NSD3: variants seen among roughly 807,000 people sequenced by gnomAD.
NSD3 encodes histone-lysine N-methyltransferase NSD3.
NSD3 carries 24 observed loss-of-function variants against 160.8 expected under a neutral mutation model. The observed-to-expected ratio is 0.15, with a 90% confidence interval of 0.11 to 0.21. The LOEUF is 0.21. NSD3 is among the 10% of genes least tolerant of loss of function. The pLI, the probability that NSD3 is intolerant of heterozygous loss-of-function variation, is 1.00. For missense variants in NSD3, 1,157 were observed against 1,735.9 expected, an observed-to-expected ratio of 0.67 and a Z score of 5.93; for synonymous variants, 520 against 600.0, an observed-to-expected ratio of 0.87 and a Z score of 1.95.
At chr8:38,345,649 G>C (rs947489383) in intron 2 of NSD3, among the ~76,000 whole-genome samples, 3 of 151,946 alleles carry the variant, frequency 2.0e-5, no homozygotes, top group African/African-American at 7.3e-5. Flanking sequence ...AGTGGCTCAC[G>C]CCTGTAATCC....
rs772334719 is a variant in NSD3, at chr8:38,305,353, C to T, written c.2335G>A (p.Val779Ile). 1.1e-5 allele frequency: 17 copies of T among 1,614,048 alleles called. No individual in the cohort carries two copies. The East Asian group carries it at 3.3e-4, about 32-fold the overall frequency. ...AAGATGGCAGTGGGGAATTTGCGGA[C>T]ACAGGCTTCATGATAAAATTTCCCA... ...ACGKFYHEAC[V>I]RKFPTAIFES... Residue 779 changes from valine to isoleucine, a missense_variant, in exon 13 of 24, where the codon GTC becomes ATC. Val to Ile is a conservative substitution (Grantham distance 29, BLOSUM62 3). Coordinates refer to ENST00000317025, the MANE Select transcript of NSD3 (RefSeq NM_023034.2).
chr8:38,337,460 G>T lies in NSD3; in HGVS notation c.755C>A (p.Pro252Gln). Residue 252 changes from proline to glutamine, a missense_variant, in exon 4 of 24, where the codon CCA (proline) becomes CAA (glutamine). Physicochemically the swap from Pro to Gln is moderately conservative, Grantham distance 76. Coordinates refer to ENST00000317025, the MANE Select transcript of NSD3 (RefSeq NM_023034.2). ...CGTTGTTGGAACAGAAGATAGTATTGGCTGAACCTACAGGAAAGGGTCAAA... is the reference window on the plus strand; with the variant it reads ...CGTTGTTGGAACAGAAGATAGTATTTGCTGAACCTACAGGAAAGGGTCAAA... ...PVLKEEAPVQ[P>Q]ILSSVPTTEV... The T allele has an allele frequency of 1.3e-6, 2 of 1,578,950 alleles. No homozygotes were observed. The highest frequency in any genetic ancestry group is 1.7e-6 in the Non-Finnish European group (2 of 1,166,858).
intron 1 of NSD3, 112 bp from the exon 2 acceptor site, chr8:38,348,327 A>G (rs1810584684): frequency 1.4e-6 from 1 of 712,740 alleles, no homozygotes; most frequent in African/African-American, 1.8e-5. Flanking sequence ...TCATATCCAG[A>G]TATGCATAGA....
At chr8:38,315,393 C>G in intron 11 of NSD3, 23 bp downstream of exon 11, 1 of 1,535,800 alleles carries the variant, frequency 6.5e-7, no homozygotes, top group South Asian at 1.3e-5. Context: ...TATTTCAAGC[C>G]ATAGCACCAG....
intron 7 of NSD3, among the ~76,000 whole-genome samples, chr8:38,325,906 T>C (rs183687203): frequency 7.1e-6 from 1 of 141,674 alleles, no homozygotes; most frequent in Non-Finnish European, 1.5e-5. Flanking sequence ...TTCCAGCACT[T>C]TGGGAGGCCG....
intron 22 of NSD3, among the ~76,000 whole-genome samples, chr8:38,277,185 G>C (rs998871498): frequency 1.3e-5 from 2 of 152,162 alleles, no homozygotes; most frequent in African/African-American, 2.4e-5. Flanking sequence ...CAGGCAATCC[G>C]CCTGCCTTGG....
intron 20 of NSD3, among the ~76,000 whole-genome samples, chr8:38,281,256 C>G (rs1015276371): frequency 1.3e-5 from 2 of 152,194 alleles, no homozygotes; most frequent in African/African-American, 2.4e-5. Flanking sequence ...ACTCACAGTG[C>G]TGTCTTACAT....
Position 38,274,505 on chromosome 8 carries a change from C to CT in NSD3, c.*1135dup, listed in dbSNP as rs1304630537. On this transcript the variant is annotated 3_prime_UTR_variant, in exon 24 of 24. Coordinates refer to ENST00000317025, the MANE Select transcript of NSD3 (RefSeq NM_023034.2). ...ATAATAGAAATTCTTTACATGTAAC[C>CT]TGGGGATGCCCCTACTACTTTCACC... 1.3e-5 allele frequency: 2 copies of CT among 152,282 alleles called. No individual in the cohort carries two copies. The highest frequency in any genetic ancestry group is 1.3e-4 in the Admixed American group (2 of 15,290). 9.4% of individuals were successfully genotyped at this position (152,282 alleles called of 1,614,324 possible).
rs374166499 is a variant in NSD3 at position 38,304,609 on chromosome 8, G to A, written c.2589C>T (p.Gly863=). ...CACCTCTGGCACAAACGAAACAAAA[G>A]CCTACATTTACAGCAGAAGAATTAC... The part of the protein sequence containing the change: ...RSSNSSAVNV[G]FCFVCARGLI... The change falls in exon 14 of 24, where the codon GGC becomes GGT. Residue 863 remains glycine (G), a synonymous_variant. Coordinates refer to ENST00000317025, the MANE Select transcript of NSD3 (RefSeq NM_023034.2). 1 of 1,611,834 alleles carries A rather than the reference G, an allele frequency of 6.2e-7. No individual in the cohort carries two copies. Among genetic ancestry groups the A allele is most frequent in the Non-Finnish European group, 8.5e-7 (1 of 1,179,324 alleles).
Position 38,316,541 on chromosome 8 carries a change from TG to T in NSD3, c.1856-500del. The T allele has an allele frequency of 9.5e-7, 1 of 1,048,848 alleles. No homozygotes were observed. Among genetic ancestry groups the T allele is most frequent in the Non-Finnish European group, 1.2e-6 (1 of 868,758 alleles). 65.0% of individuals were successfully genotyped at this position (1,048,848 alleles called of 1,614,324 possible). ...TTTCCCCCAAATTTTGCAATTCAGTTGATTATTGCCCCCCAATAAAATTTGG... is the reference window on the plus strand; with the variant it reads ...TTTCCCCCAAATTTTGCAATTCAGTTATTATTGCCCCCCAATAAAATTTGG... On this transcript the variant is annotated intron_variant, in intron 9 of 23. Coordinates refer to ENST00000317025, the MANE Select transcript of NSD3 (RefSeq NM_023034.2). The surrounding 1 kb of genome is among the most constrained non-coding windows in gnomAD (Gnocchi z 4.5).
At chr8:38,315,884 C>T (rs1347897959) in intron 10 of NSD3, 28 bp downstream of exon 10, 1 of 1,597,358 alleles carries the variant, frequency 6.3e-7, no homozygotes, top group Non-Finnish European at 8.5e-7. Context: ...AGAAAGAACA[C>T]TTTGTCCAGA....
At chr8:38,344,648 G>A (rs941934593) in intron 2 of NSD3, among the ~76,000 whole-genome samples, 7 of 152,040 alleles carry the variant, frequency 4.6e-5, no homozygotes, top group Non-Finnish European at 7.4e-5. Context: ...GAGCTTTTAA[G>A]GAACAACAAC....
rs746347091 is a variant in NSD3 at position 38,331,453 on chromosome 8, C to T, written c.1043G>A (p.Ser348Asn). 5.0e-6 allele frequency: 8 copies of T among 1,605,030 alleles called. No homozygotes were observed. The highest frequency in any genetic ancestry group is 2.3e-5 in the South Asian group (2 of 88,542). The change falls in exon 5 of 24, where the codon AGC (serine) becomes AAC (asparagine). Residue 348 changes from serine (S) to asparagine (N), a missense_variant. Around this residue, in one of 10 missense-constraint regions of NSD3, gnomAD observed 168 missense variants for 208.1 expected, o/e 0.81. Transcript: ENST00000317025. Reference protein sequence around the residue: ...ELLAEATKQASNHSEKQKIRK... With the variant: ...ELLAEATKQANNHSEKQKIRK... ...TACCTTTTGTTTCTCAGAGTGATTGCTGGCTTGTTTGGTTGCCTCAGCCAG... is the reference window on the plus strand; with the variant it reads ...TACCTTTTGTTTCTCAGAGTGATTGTTGGCTTGTTTGGTTGCCTCAGCCAG...
At chr8:38,351,659 T>C (rs1309345163) in intron 1 of NSD3, among the ~76,000 whole-genome samples, 2 of 143,680 alleles carry the variant, frequency 1.4e-5, no homozygotes, top group African/African-American at 5.3e-5. Context: ...TGAGACTCCG[T>C]CTCAAAAAAA....
At chr8:38,343,429 C>T (rs1810427748) in intron 2 of NSD3, among the ~76,000 whole-genome samples, 1 of 151,968 alleles carries the variant, frequency 6.6e-6, no homozygotes, top group Admixed American at 6.6e-5. Flanking sequence ...GGGCCAAGTG[C>T]AGTGGCTCAC....
At chr8:38,369,362 A>G (rs752682240) in intron 1 of NSD3, among the ~76,000 whole-genome samples, 5 of 152,148 alleles carry the variant, frequency 3.3e-5, no homozygotes, top group Non-Finnish European at 5.9e-5. Flanking sequence ...TTGGACTGGA[A>G]AGTTAACTTC....
intron 18 of NSD3, among the ~76,000 whole-genome samples, chr8:38,289,057 A>G (rs1808933648): frequency 1.3e-5 from 2 of 152,242 alleles, no homozygotes; most frequent in Non-Finnish European, 2.9e-5. Flanking sequence ...AAATAAAGGG[A>G]GTAAACACCT....
intron 4 of NSD3, among the ~76,000 whole-genome samples, chr8:38,331,994 C>T (rs543271398): frequency 1.3e-5 from 2 of 152,250 alleles, no homozygotes; most frequent in African/African-American, 4.8e-5. Flanking sequence ...GTGGCATGAT[C>T]CTAGCTCACT....
intron 2 of NSD3, among the ~76,000 whole-genome samples, chr8:38,341,628 A>C (rs1563361552): frequency 6.6e-6 from 1 of 152,142 alleles, no homozygotes; most frequent in Non-Finnish European, 1.5e-5. Flanking sequence ...TCCAGGAGGA[A>C]GGAGTAGCAT....
Sources: gnomAD v4.1 joint callset for allele counts (sites outside exome capture counted in the v4.1 genomes callset) on GRCh38, gnomAD v4.1.1 for gene constraint, gnomAD v4.1.1 regional missense constraint, Gnocchi (gnomAD v3.1) non-coding constraint, MANE v1.5 for transcripts, NCBI Gene and HGNC (gene_info 2026-07-23, HGNC 2026-07-21) for gene names.